Variants in ZBTB17 observed in about 807,000 individuals in gnomAD.
ZBTB17 encodes zinc finger and BTB domain-containing protein 17.
In ZBTB17, 24 loss-of-function variants were observed where a neutral mutation model predicts 85.1. The observed-to-expected ratio is 0.28, with a 90% CI of 0.20 to 0.40. ZBTB17 has a LOEUF of 0.40. ZBTB17 is among the 10% of genes least tolerant of loss of function. ZBTB17 has a pLI of 1.00. For missense variants in ZBTB17, 743 were observed against 1,105.1 expected (o/e 0.67, Z 4.65); for synonymous variants, 464 against 460.2 (o/e 1.01, Z -0.11).
chr1:15,959,912 G>A (rs1482809275), intron 2 of ZBTB17, among the ~76,000 whole-genome samples: 1 of 152,082 alleles, frequency 6.6e-6, no homozygotes. Flanking sequence ...ACTTCTCAAA[G>A]GAAAAAATTT....
chr1:15,943,331 C>T lies in ZBTB17; in HGVS notation c.1697+68G>A. ...GTCAGCTCAGTCCCCAGCCAAGCCCCCAGTTTGTCTTCTGAGCCCCCTCAC... is the reference window on the plus strand; with the variant it reads ...GTCAGCTCAGTCCCCAGCCAAGCCCTCAGTTTGTCTTCTGAGCCCCCTCAC... On this transcript the variant is annotated intron_variant, in intron 12 of 15. Coordinates refer to ENST00000375743, the MANE Select transcript of ZBTB17 (RefSeq NM_003443.3). 3 of 1,582,824 alleles carry T rather than the reference C, an allele frequency of 1.9e-6. No individual in the cohort carries two copies. In the South Asian group the frequency reaches 3.5e-5, roughly 18 times the overall value.
rs2071645399 is a variant in ZBTB17, at chr1:15,947,207, A to G, written c.206-84T>C. 1.5e-5 allele frequency: 21 copies of G among 1,404,690 alleles called. No individual in the cohort carries two copies. The South Asian group carries it at 2.9e-4, about 19-fold the overall frequency. 87.0% of individuals were successfully genotyped at this position (1,404,690 alleles called of 1,614,324 possible). A position where few individuals can be genotyped will look rare whatever the true frequency, so the allele number is the denominator to read the frequency against. ...CCCCACCACTCCACTCAGCAGCAGG[A>G]CGCAGGGATTTAGGAACAGCTGAGT... On this transcript the variant is annotated intron_variant, in intron 3 of 15. Transcript: ENST00000375743.
intron 9 of ZBTB17, 116 bp downstream of exon 9, chr1:15,944,184 G>A: frequency 7.2e-7 from 1 of 1,391,412 alleles, no homozygotes; most frequent in Non-Finnish European, 9.7e-7. Flanking sequence ...GGGTGAACAA[G>A]CTGATGAGCT....
rs757109640 is a variant in ZBTB17 at position 15,945,049 on chromosome 1, G to A, written c.815C>T (p.Ala272Val). The A allele has an allele frequency of 8.7e-6, 14 of 1,610,384 alleles. No homozygotes were observed. The highest frequency in any genetic ancestry group is 3.3e-5 in the South Asian group (3 of 90,144). Reference sequence around the variant, plus strand: ...GAGCTCCTGCCCCGAGTCTGTGCCCGCTGACTCCTCATTCTCGTTCTCCTC... The same window carrying A: ...GAGCTCCTGCCCCGAGTCTGTGCCCACTGACTCCTCATTCTCGTTCTCCTC... Reference protein sequence around the residue: ...APEENENEESAGTDSGQELGS... With the variant: ...APEENENEESVGTDSGQELGS... The change falls in exon 7 of 16, where the codon GCG becomes GTG. Residue 272 changes from alanine to valine, a missense_variant. By Grantham distance (64) the Ala-to-Val change is moderately conservative. Around this residue, in one of 4 missense-constraint regions of ZBTB17, gnomAD observed 279 missense variants for 269.9 expected, o/e 1.03. Transcript: ENST00000375743.
At chr1:15,961,082 C>T (rs2072242005) in intron 2 of ZBTB17, among the ~76,000 whole-genome samples, 1 of 152,094 alleles carries the variant, frequency 6.6e-6, no homozygotes, top group Non-Finnish European at 1.5e-5. Context: ...CCACTGCACT[C>T]CAGCCTGGGC....
In ZBTB17 at chr1:15,953,867, G is replaced by A. The variant is rs1008217348; in HGVS notation, c.-2-5370C>T. On this transcript the variant is annotated intron_variant, in intron 2 of 15. Transcript: ENST00000375743. This position sits in a 1 kb window ranked among gnomAD's most constrained non-coding sequence, Gnocchi z 5.1. The stretch of plus-strand genomic sequence containing the variant: ...GACCCTGTACAGAGCCTGGCATATC[G>A]TGAGCATGCAACAAACTACTGTTGC... Among the ~76,000 whole-genome samples, 3 of 152,230 alleles carry A rather than the reference G, an allele frequency of 2.0e-5. No individual in the cohort carries two copies. The highest frequency in any genetic ancestry group is 2.1e-4 in the South Asian group (1 of 4,832).
chr1:15,945,335 G>A (rs1395653870), intron 6 of ZBTB17, 133 bp from the exon 7 acceptor site: 5 of 1,441,028 alleles, frequency 3.5e-6, no homozygotes, highest in Non-Finnish European at 4.6e-6. Flanking sequence ...GGGGGCCTGT[G>A]AACTGGGTAT....
chr1:15,944,171 C>T, intron 9 of ZBTB17, 129 bp downstream of exon 9: 1 of 1,367,416 alleles, frequency 7.3e-7, no homozygotes. Context: ...GCGCCTGTTT[C>T]CTGGGTGAAC....
chr1:15,967,374 TA>T (rs1196636837), intron 2 of ZBTB17, among the ~76,000 whole-genome samples: 21 of 142,032 alleles, frequency 1.5e-4, no homozygotes, highest in South Asian at 6.8e-4. Context: ...AGGCCCTAAT[TA>T]AAAAAAAAAA....
Position 15,944,744 on chromosome 1 carries a change from C to T in ZBTB17, c.1023G>A (p.Lys341=). The T allele has an allele frequency of 1.2e-6, 2 of 1,612,552 alleles. No individual in the cohort carries two copies. The highest frequency in any genetic ancestry group is 1.7e-6 in the Non-Finnish European group (2 of 1,179,892). ...TGCACGCGGCCGGGTCGGAAAAGGC[C>T]TTGCTGCACTCCCGGCACGAGAAGG... is the stretch of plus-strand genomic sequence containing the variant. ...EKPFSCRECS[K]AFSDPAACKA... is the part of the protein sequence containing the mutation. Residue 341 remains lysine (K), a synonymous_variant, in exon 8 of 16, where the codon AAG becomes AAA. Coordinates refer to ENST00000375743, the MANE Select transcript of ZBTB17 (RefSeq NM_003443.3).
intron 2 of ZBTB17, among the ~76,000 whole-genome samples, chr1:15,969,121 CAGG>C (rs1429532154): frequency 6.6e-6 from 1 of 152,196 alleles, no homozygotes; most frequent in Admixed American, 6.5e-5. Context: ...TAGATACTCA[CAGG>C]AGCTCAATCC....
At chr1:15,963,345 A>AAAAAT (rs756178644) in intron 2 of ZBTB17, among the ~76,000 whole-genome samples, 12 of 152,358 alleles carry the variant, frequency 7.9e-5, no homozygotes, top group South Asian at 6.2e-4. Flanking sequence ...AAGAGGAGTT[A>AAAAAT]AAAATAAAAT....
intron 13 of ZBTB17, 74 bp downstream of exon 13, chr1:15,942,990 C>T (rs1282633710): frequency 1.3e-6 from 2 of 1,583,172 alleles, no homozygotes; most frequent in East Asian, 2.3e-5. Flanking sequence ...TCTGGGGGGT[C>T]CCTTCCTTCC....
intron 9 of ZBTB17, 147 bp from the exon 10 acceptor site, chr1:15,944,042 A>G (rs575437263): frequency 1.1e-4 from 105 of 984,258 alleles, no homozygotes; most frequent in Non-Finnish European, 1.6e-4. Context: ...GAGAGGTCCC[A>G]GGTCCCAGCG....
chr1:15,965,740 T>C (rs1038467542), intron 2 of ZBTB17, among the ~76,000 whole-genome samples: 1 of 152,170 alleles, frequency 6.6e-6, no homozygotes, highest in African/African-American at 2.4e-5. Flanking sequence ...GAAAATGAAA[T>C]ACCACTCTAT....
rs201522658 is a variant in ZBTB17 at position 15,946,199 on chromosome 1, C to T, written c.490G>A (p.Asp164Asn). The change falls in exon 5 of 16, where the codon GAC (aspartate) becomes AAC (asparagine). Residue 164 changes from aspartate to asparagine, a missense_variant. Asp to Asn is a conservative substitution (Grantham distance 23). Coordinates refer to ENST00000375743, the MANE Select transcript of ZBTB17 (RefSeq NM_003443.3). ...TGACCGCCGCGCTCCTCCTTGAGGT[C>T]CCTGCTGGGGCCTATGGGTGTGCTG... is the stretch of plus-strand genomic sequence containing the variant. The part of the protein sequence containing the change: ...GRSTPIGPSR[D>N]LKEERGGQAQ... 22 of 1,612,694 alleles carry T rather than the reference C, an allele frequency of 1.4e-5. No individual in the cohort carries two copies. The highest frequency in any genetic ancestry group is 1.3e-4 in the East Asian group (6 of 44,882).
At position 15,942,362 on chromosome 1, in the gene ZBTB17, G is replaced by A; in HGVS notation, c.2097C>T (p.Ile699=). Residue 699 remains isoleucine, a synonymous_variant, in exon 15 of 16, where the codon ATC becomes ATT. Transcript: ENST00000375743. ...ADETEVLKAE[I]SKAVKQVQEE... is the part of the protein sequence containing the mutation. ...CCTGCACTTGCTTCACAGCTTTGCTGATCTCGGCCTTCAGGACTTCCGTCT... is the reference window on the plus strand; with the variant it reads ...CCTGCACTTGCTTCACAGCTTTGCTAATCTCGGCCTTCAGGACTTCCGTCT... 6.2e-7 allele frequency: 1 copy of A among 1,613,906 alleles called. No homozygotes were observed. The highest frequency in any genetic ancestry group is 8.5e-7 in the Non-Finnish European group (1 of 1,180,024).
chr1:15,946,908 G>A, intron 4 of ZBTB17, 27 bp downstream of exon 4: 2 of 1,592,568 alleles, frequency 1.3e-6, no homozygotes, highest in Non-Finnish European at 1.7e-6. Flanking sequence ...CTGGCCATCT[G>A]CTTGGGAGCA....
chr1:15,948,016 C>T (rs1310779655), intron 3 of ZBTB17: 1 of 521,722 alleles, frequency 1.9e-6, no homozygotes, highest in African/African-American at 1.9e-5. Flanking sequence ...TACTCTCTGC[C>T]CCTCCCAATG....
Sources: allele counts gnomAD v4.1 joint callset (sites outside exome capture counted in the v4.1 genomes callset), GRCh38; gene constraint gnomAD v4.1.1; regional missense constraint gnomAD v4.1.1; non-coding constraint Gnocchi (gnomAD v3.1); transcripts MANE v1.5; gene names NCBI Gene and HGNC (gene_info 2026-07-23, HGNC 2026-07-21).